PTPRT: variants seen among roughly 807,000 people sequenced by gnomAD.
The protein encoded by PTPRT is receptor-type tyrosine-protein phosphatase T.
Under a neutral mutation model 176.8 loss-of-function variants are expected in PTPRT, and 56 were observed. The ratio of observed to expected loss-of-function variants is 0.32; its 90% CI spans 0.26 to 0.40. PTPRT has a LOEUF of 0.40. Among genes scored for constraint, PTPRT ranks in the 10% least tolerant of loss-of-function variants. The pLI, the probability that PTPRT is intolerant of heterozygous loss-of-function variation, is 1.00. For missense variants in PTPRT, 1,540 were observed against 1,908.2 expected (o/e 0.81, Z 3.60); for synonymous variants, 783 against 739.0 (o/e 1.06, Z -0.96).
In PTPRT at chr20:42,267,314, G is replaced by C. The variant is rs186716986; in HGVS notation, c.2176+15175C>G. On this transcript the variant is annotated intron_variant, in intron 13 of 30. Coordinates refer to ENST00000373187, the MANE Select transcript of PTPRT (RefSeq NM_007050.6). ...AGGCTAGGTTAAGCTATGATGTTCCGTAGGTTAATTGTATTAAGTGCATTT... is the reference window on the plus strand; with the variant it reads ...AGGCTAGGTTAAGCTATGATGTTCCCTAGGTTAATTGTATTAAGTGCATTT... 8.5e-5 allele frequency among the ~76,000 whole-genome samples: 13 copies of C among 152,286 alleles called. No individual in the cohort carries two copies. The East Asian group carries it at 2.3e-3, about 27-fold the overall frequency.
At chr20:42,060,031 C>T in the PTPRT span, among the ~76,000 whole-genome samples, 1 of 152,180 alleles carries the variant, frequency 6.6e-6, no homozygotes, top group Non-Finnish European at 1.5e-5. Context: ...AAGCACTTTG[C>T]AGCTTCCCAA....
chr20:42,447,021 G>A (rs1228936770), intron 9 of PTPRT, among the ~76,000 whole-genome samples: 1 of 152,078 alleles, frequency 6.6e-6, no homozygotes. Flanking sequence ...GAGTTCTCAG[G>A]ACCACCTGTG....
At chr20:42,246,552 A>C (rs914807884) in intron 14 of PTPRT, among the ~76,000 whole-genome samples, 6 of 152,132 alleles carry the variant, frequency 3.9e-5, no homozygotes, top group African/African-American at 1.4e-4. Context: ...ACTACCACAA[A>C]GGACTTATTT....
chr20:43,040,943 G>A (rs188275472), intron 1 of PTPRT, among the ~76,000 whole-genome samples: 76 of 152,302 alleles, frequency 5.0e-4, no homozygotes, highest in African/African-American at 1.8e-3. Flanking sequence ...CTTTTGCCCA[G>A]TGTTTCCCAA....
At chr20:42,240,709 TCCATCCATC>T (rs1314141855) in intron 14 of PTPRT, among the ~76,000 whole-genome samples, 2 of 95,480 alleles carry the variant, frequency 2.1e-5, no homozygotes, top group African/African-American at 9.1e-5. Flanking sequence ...CATGCATGCA[TCCATCCATC>T]CCATCCATCC....
intron 6 of PTPRT, among the ~76,000 whole-genome samples, chr20:42,747,926 AG>A (rs2076713738): frequency 6.6e-6 from 1 of 152,228 alleles, no homozygotes; most frequent in South Asian, 2.1e-4. Context: ...CATTGAGAAT[AG>A]ACATCAATGG....
chr20:42,264,194 T>C (rs183012639), intron 13 of PTPRT, among the ~76,000 whole-genome samples: 28 of 152,300 alleles, frequency 1.8e-4, no homozygotes, highest in Non-Finnish European at 3.8e-4. Flanking sequence ...CTCAGTCATA[T>C]ATGCTCCCTG....
chr20:42,928,748 C>T (rs993032460), intron 1 of PTPRT, among the ~76,000 whole-genome samples: 1 of 152,146 alleles, frequency 6.6e-6, no homozygotes, highest in Admixed American at 6.5e-5. Flanking sequence ...CCATCCCTAC[C>T]CACCTTCTCT....
intron 1 of PTPRT, among the ~76,000 whole-genome samples, chr20:42,991,890 C>T (rs1005804051): frequency 1.4e-4 from 21 of 152,210 alleles, no homozygotes; most frequent in African/African-American, 5.1e-4. Context: ...CAAACAATCC[C>T]AGCCCATAAA....
intron 19 of PTPRT, among the ~76,000 whole-genome samples, chr20:42,123,714 C>T (rs572610893): frequency 3.9e-5 from 6 of 152,304 alleles, no homozygotes; most frequent in East Asian, 1.9e-4. Context: ...GGCCATTCCC[C>T]GTGCCTGCTA....
intron 7 of PTPRT, among the ~76,000 whole-genome samples, chr20:42,673,274 ATCCTTCCAAAG>A (rs1600585889): frequency 1.3e-5 from 2 of 152,178 alleles, no homozygotes; most frequent in Non-Finnish European, 2.9e-5. Context: ...TGGAATGAAC[ATCCTTCCAAAG>A]AGCCATGTTG....
chr20:42,963,062 T>C (rs1359682997), intron 1 of PTPRT, among the ~76,000 whole-genome samples: 3 of 152,094 alleles, frequency 2.0e-5, no homozygotes, highest in African/African-American at 7.2e-5. Flanking sequence ...TAGCCGGGCA[T>C]GGTGGCAGGC....
intron 7 of PTPRT, among the ~76,000 whole-genome samples, chr20:42,648,820 G>GTTGTTTTTTTTGTTT (rs1310734163): frequency 8.9e-6 from 1 of 111,834 alleles, no homozygotes; most frequent in African/African-American, 3.7e-5. Flanking sequence ...TGGTGTCGTT[G>GTTGTTTTTTTTGTTT]TTTTTTTTTT....
chr20:42,812,510 T>G (rs574903279), intron 2 of PTPRT, among the ~76,000 whole-genome samples: 10 of 152,262 alleles, frequency 6.6e-5, no homozygotes, highest in East Asian at 1.9e-4. Context: ...TAACAATTTT[T>G]GGGAGGATAT....
intron 6 of PTPRT, among the ~76,000 whole-genome samples, chr20:42,700,080 G>A (rs2075951866): frequency 6.6e-6 from 1 of 152,072 alleles, no homozygotes; most frequent in South Asian, 2.1e-4. Context: ...AGTGAATCCA[G>A]GAAAGCACTT....
chr20:42,363,994 C>T (rs1037709130), intron 9 of PTPRT, among the ~76,000 whole-genome samples: 1 of 152,102 alleles, frequency 6.6e-6, no homozygotes, highest in African/African-American at 2.4e-5. Context: ...AGTATTTGGA[C>T]AGGCAGAGAG....
At chr20:42,643,125 G>C (rs998110190) in intron 7 of PTPRT, among the ~76,000 whole-genome samples, 36 of 152,084 alleles carry the variant, frequency 2.4e-4, no homozygotes, top group Admixed American at 2.0e-3. Flanking sequence ...GATGCACATT[G>C]AGTATTGTTA....
At chr20:42,899,186 A>C (rs1409136770) in intron 1 of PTPRT, among the ~76,000 whole-genome samples, 2 of 152,266 alleles carry the variant, frequency 1.3e-5, no homozygotes, top group Non-Finnish European at 1.5e-5. Context: ...ATCTTTTCTC[A>C]CGCAACAGTG....
At chr20:42,176,170 C>A (rs1400332436) in intron 16 of PTPRT, among the ~76,000 whole-genome samples, 8 of 152,128 alleles carry the variant, frequency 5.3e-5, no homozygotes, top group Admixed American at 3.9e-4. Context: ...TGGAAACACT[C>A]ATTTGTTAGG....
Sources: allele counts gnomAD v4.1 joint callset (sites outside exome capture counted in the v4.1 genomes callset), GRCh38; gene constraint gnomAD v4.1.1; transcripts MANE v1.5; gene names NCBI Gene and HGNC (gene_info 2026-07-23, HGNC 2026-07-21).